The following MYO18B variants were observed in gnomAD, a reference collection of about 807,000 sequenced individuals.
The protein encoded by MYO18B is myosin XVIIIB.
MYO18B carries 204 observed loss-of-function variants against 273.0 expected under a neutral mutation model. The ratio of observed to expected loss-of-function variants is 0.75; its 90% CI spans 0.67 to 0.84. The LOEUF is 0.84. Among genes scored for constraint, MYO18B ranks in the 40% least tolerant of loss-of-function variants. MYO18B has a pLI of 0.00. For synonymous variants in MYO18B, 1,330 were observed against 1,305.7 expected (o/e 1.02, Z -0.40); for missense variants, 3,212 against 3,287.6 (o/e 0.98, Z 0.56).
In MYO18B at chr22:25,763,238, A is replaced by G. The variant is rs1468252881; in HGVS notation, c.47A>G (p.Glu16Gly). 1 of 1,607,640 alleles carries G rather than the reference A, an allele frequency of 6.2e-7. No homozygotes were observed. The highest frequency in any genetic ancestry group is 2.2e-5 in the East Asian group (1 of 44,730). The change falls in exon 3 of 44, where the codon GAA becomes GGA. Residue 16 changes from glutamate (E) to glycine (G), a missense_variant. Coordinates refer to ENST00000335473, the MANE Select transcript of MYO18B (RefSeq NM_032608.7). Reference sequence around the variant, plus strand: ...CTTGCTTCTGCAAAACAGATTCGGGAAGAGGACAAGAGCCCTCCACCATCC... The same window carrying G: ...CTTGCTTCTGCAAAACAGATTCGGGGAGAGGACAAGAGCCCTCCACCATCC... The part of the protein sequence containing the change: ...RLALWEQKIR[E>G]EDKSPPPSSP...
At chr22:25,797,672 A>G (rs912272771) in intron 11 of MYO18B, among the ~76,000 whole-genome samples, 1 of 152,204 alleles carries the variant, frequency 6.6e-6, no homozygotes, top group Admixed American at 6.5e-5. Context: ...TCCCCAGACC[A>G]GAGCCCCGCA....
intron 8 of MYO18B, among the ~76,000 whole-genome samples, chr22:25,778,984 C>T (rs2087027846): frequency 1.3e-5 from 2 of 152,144 alleles, no homozygotes; most frequent in Admixed American, 1.3e-4. Context: ...GCAGTGTTCT[C>T]AGCTTTTTTT....
intron 15 of MYO18B, among the ~76,000 whole-genome samples, chr22:25,830,241 G>A (rs1008000950): frequency 6.6e-6 from 1 of 152,024 alleles, no homozygotes; most frequent in Non-Finnish European, 1.5e-5. Context: ...TGTGGCCTTA[G>A]GAAAGGCACT....
At chr22:25,771,078 C>T in intron 6 of MYO18B, 94 bp downstream of exon 6, 1 of 916,046 alleles carries the variant, frequency 1.1e-6, no homozygotes, top group Non-Finnish European at 1.7e-6. Context: ...CAAGAGATTT[C>T]CTTGTTCCTG....
chr22:25,970,310 G>C (rs190862802), intron 39 of MYO18B, among the ~76,000 whole-genome samples: 1 of 152,328 alleles, frequency 6.6e-6, no homozygotes, highest in Non-Finnish European at 1.5e-5. Flanking sequence ...CTGTGATTCA[G>C]AGCAGGCATA....
Position 25,911,057 on chromosome 22 carries a change from G to A in MYO18B, c.5364+7G>A. 3 of 1,587,284 alleles carry A rather than the reference G, an allele frequency of 1.9e-6. No homozygotes were observed. Among genetic ancestry groups the A allele is most frequent in the African/African-American group, 2.7e-5 (2 of 74,570 alleles). ...CGGAACCCTCTGTGACCAGGTAAGGGGGAGACATTGGCAGACATTCAGAGG... is the reference window on the plus strand; with the variant it reads ...CGGAACCCTCTGTGACCAGGTAAGGAGGAGACATTGGCAGACATTCAGAGG... On this transcript the variant is annotated splice_region_variant and intron_variant, in intron 33 of 43. Coordinates refer to ENST00000335473, the MANE Select transcript of MYO18B (RefSeq NM_032608.7).
intron 25 of MYO18B, among the ~76,000 whole-genome samples, chr22:25,886,080 G>A (rs1252765198): frequency 1.3e-5 from 2 of 152,358 alleles, no homozygotes; most frequent in African/African-American, 4.8e-5. Context: ...CCTTCGGTGA[G>A]CGTTTGCACC....
intron 22 of MYO18B, among the ~76,000 whole-genome samples, 159 bp downstream of exon 22, chr22:25,868,544 G>T (rs763140956): frequency 3.3e-5 from 5 of 152,160 alleles, no homozygotes; most frequent in Admixed American, 6.5e-5. Context: ...TATCTTACAA[G>T]GTCCTGGAGA....
intron 17 of MYO18B, among the ~76,000 whole-genome samples, chr22:25,839,062 G>A (rs1461499305): frequency 2.6e-5 from 4 of 151,784 alleles, no homozygotes. Context: ...GTGCATGTGT[G>A]TATATGTATG....
intron 1 of MYO18B, among the ~76,000 whole-genome samples, chr22:25,752,973 T>TC (rs1472330975): frequency 6.6e-6 from 1 of 152,018 alleles, no homozygotes; most frequent in African/African-American, 2.4e-5. Flanking sequence ...GTGCGCTGGG[T>TC]CCCCCAGCAC....
chr22:25,783,123 T>C (rs2087232906), intron 10 of MYO18B, among the ~76,000 whole-genome samples: 1 of 152,040 alleles, frequency 6.6e-6, no homozygotes, highest in South Asian at 2.1e-4. Flanking sequence ...AGCAAATGCT[T>C]TGTGTGTGTG....
At chr22:25,859,658 C>T (rs2090673124) in intron 21 of MYO18B, among the ~76,000 whole-genome samples, 1 of 151,928 alleles carries the variant, frequency 6.6e-6, no homozygotes, top group Non-Finnish European at 1.5e-5. Context: ...GCCTAGTAGC[C>T]ATTTTATCTC....
chr22:26,026,908 G>T lies in MYO18B; in HGVS notation c.6934G>T (p.Glu2312Ter), dbSNP rs752633214. Residue 2312 changes from glutamate to a stop codon, truncating the protein, a stop_gained, in exon 43 of 44, where the codon GAA becomes TAA. Coordinates refer to ENST00000335473, the MANE Select transcript of MYO18B (RefSeq NM_032608.7). LOFTEE classifies it high-confidence loss of function. ...GAGGGTTGGGGCAAAGTCACCCCTG[G>T]AAATCGAAGGGGCCGCTGGTGGTCT... ...SLRVGAKSPL[E>*]IEGAAGGLLR... The T allele has an allele frequency of 1.2e-6, 2 of 1,607,932 alleles. No homozygotes were observed. Among genetic ancestry groups the T allele is most frequent in the African/African-American group, 2.7e-5 (2 of 74,584 alleles).
intron 11 of MYO18B, among the ~76,000 whole-genome samples, chr22:25,795,077 G>C (rs546098506): frequency 2.6e-5 from 4 of 152,204 alleles, no homozygotes; most frequent in African/African-American, 9.7e-5. Flanking sequence ...ATGTGGCTGC[G>C]TGTCTCAGTG....
intron 42 of MYO18B, among the ~76,000 whole-genome samples, chr22:26,009,434 C>G (rs1318527024): frequency 6.6e-6 from 1 of 152,148 alleles, no homozygotes; most frequent in Non-Finnish European, 1.5e-5. Context: ...CCTTGCTGTC[C>G]TATTGAGTTA....
the MYO18B span, among the ~76,000 whole-genome samples, chr22:26,063,533 T>C: frequency 6.6e-6 from 1 of 152,184 alleles, no homozygotes; most frequent in Non-Finnish European, 1.5e-5. Context: ...AGTCAGGGCT[T>C]GAATGTGAGA....
At chr22:25,825,603 C>T (rs932083055) in intron 13 of MYO18B, among the ~76,000 whole-genome samples, 2 of 152,128 alleles carry the variant, frequency 1.3e-5, no homozygotes, top group African/African-American at 2.4e-5. Context: ...CTTTATATTC[C>T]TCCTAACGTT....
At position 25,823,566 on chromosome 22, in the gene MYO18B, C is replaced by T. The variant is rs567970076; in HGVS notation, c.2583C>T (p.Cys861=). The change falls in exon 13 of 44, where the codon TGC becomes TGT. Residue 861 remains cysteine (C), a synonymous_variant. Transcript: ENST00000335473. The part of the protein sequence containing the change: ...WANYAAEALG[C]EYEELNTATF... ...ACTACGCAGCTGAGGCCCTGGGCTG[C>T]GAGTATGAGGAGCTGAACACGGCCA... is the stretch of plus-strand genomic sequence containing the variant. 1.7e-5 allele frequency: 27 copies of T among 1,613,806 alleles called. No homozygotes were observed. The highest frequency in any genetic ancestry group is 8.0e-5 in the African/African-American group (6 of 74,902).
At chr22:25,781,609 C>A (rs1444206924) in intron 9 of MYO18B, 125 bp from the exon 10 acceptor site, 178 of 277,330 alleles carry the variant, frequency 6.4e-4, no homozygotes, top group Admixed American at 1.4e-3. Context: ...GACTCCGTCT[C>A]AAAAAAAAAA....
Sources: allele counts gnomAD v4.1 joint callset (sites outside exome capture counted in the v4.1 genomes callset), GRCh38; gene constraint gnomAD v4.1.1; transcripts MANE v1.5; gene names NCBI Gene and HGNC (gene_info 2026-07-23, HGNC 2026-07-21).